VWF: variants seen among roughly 807,000 people sequenced by gnomAD.
VWF encodes the protein Factor VIII related antigen.
VWF carries 176 observed loss-of-function variants against 308.6 expected under a neutral mutation model. That is an observed-to-expected ratio of 0.57 (90% CI 0.50 to 0.65). The LOEUF (loss-of-function observed/expected upper bound fraction) is 0.65. Ranked by LOEUF, VWF falls within the 30% of genes least tolerant of loss-of-function variation. VWF has a pLI of 0.00. For synonymous variants in VWF, 1,385 were observed against 1,443.4 expected, an observed-to-expected ratio of 0.96 and a Z score of 0.92; for missense variants, 3,146 against 3,648.2, an observed-to-expected ratio of 0.86 and a Z score of 3.55.
Position 6,075,656 on chromosome 12 carries a change from C to T in VWF, c.658-105G>A. On this transcript the variant is annotated intron_variant, in intron 6 of 51. Coordinates refer to ENST00000261405, the MANE Select transcript of VWF (RefSeq NM_000552.5). The surrounding 1 kb of genome is among the most constrained non-coding windows in gnomAD (Gnocchi z 4.7). ...GGAAACCAAGGCAGCTCCCTCAGCA[C>T]CTGGGACAGGCTGGCACCAAGCACA... 2 of 1,269,858 alleles carry T rather than the reference C, an allele frequency of 1.6e-6. No homozygotes were observed. Among genetic ancestry groups the T allele is most frequent in the East Asian group, 5.1e-5 (2 of 39,570 alleles). The allele number at this position is 1,269,858 out of a possible 1,614,324, so 78.7% of individuals were successfully genotyped here. A position where few individuals can be genotyped will look rare whatever the true frequency, so the allele number is the denominator to read the frequency against.
intron 15 of VWF, among the ~76,000 whole-genome samples, chr12:6,055,066 C>A (rs981689082): frequency 6.6e-6 from 1 of 152,178 alleles, no homozygotes; most frequent in Non-Finnish European, 1.5e-5. Context: ...ACCCTTTCTA[C>A]CCTATCGTAA....
intron 42 of VWF, among the ~76,000 whole-genome samples, chr12:5,977,235 T>C (rs543730476): frequency 5.4e-4 from 82 of 152,300 alleles, no homozygotes; most frequent in African/African-American, 1.9e-3. Context: ...TCCAGGAATC[T>C]ATCCCAAAGA....
At chr12:6,008,617 A>G (rs216813) in intron 34 of VWF, among the ~76,000 whole-genome samples, 85,361 of 151,994 alleles carry the variant, frequency 0.56, 24,311 homozygotes, top group East Asian at 0.73. Context: ...AAGACGGCAA[A>G]GATGCCCACT....
intron 37 of VWF, among the ~76,000 whole-genome samples, chr12:5,992,985 C>A (rs2136384236): frequency 6.6e-6 from 1 of 152,302 alleles, no homozygotes; most frequent in African/African-American, 2.4e-5. Flanking sequence ...TACAGGTTAT[C>A]TAGGCCAACT....
At chr12:6,092,614 T>TGAGTGAGTGAGTGAGAGAGAGAGA (rs71064187) in intron 6 of VWF, among the ~76,000 whole-genome samples, 13 of 86,084 alleles carry the variant, frequency 1.5e-4, no homozygotes, top group African/African-American at 6.4e-4. Flanking sequence ...AGTGAGTGAG[T>TGAGTGAGTGAGTGAGAGAGAGAGA]GAGAGTGTGT....
At chr12:6,012,620 G>A (rs1349410886) in intron 32 of VWF, among the ~76,000 whole-genome samples, 1 of 151,918 alleles carries the variant, frequency 6.6e-6, no homozygotes, top group East Asian at 1.9e-4. Flanking sequence ...GCTTTATGCA[G>A]GTTTTGACTT....
intron 3 of VWF, 22 bp from the exon 4 acceptor site, chr12:6,110,990 A>G: frequency 6.3e-7 from 1 of 1,585,460 alleles, no homozygotes; most frequent in Non-Finnish European, 8.7e-7. Flanking sequence ...AAAAGTCAAT[A>G]GTAGTGATTA....
intron 23 of VWF, 76 bp downstream of exon 23, chr12:6,025,830 C>A (rs770855910): frequency 1.2e-6 from 2 of 1,611,094 alleles, no homozygotes; most frequent in Non-Finnish European, 1.7e-6. Flanking sequence ...CCTTCCAGCC[C>A]CCATGACAAT....
At chr12:5,985,320 TA>T (rs1193657022) in intron 39 of VWF, among the ~76,000 whole-genome samples, 3 of 152,172 alleles carry the variant, frequency 2.0e-5, no homozygotes, top group Non-Finnish European at 4.4e-5. Context: ...AGGGGACTCT[TA>T]AGTCTGACCG....
intron 38 of VWF, among the ~76,000 whole-genome samples, chr12:5,991,203 A>G (rs1172611734): frequency 7.6e-6 from 1 of 132,114 alleles, no homozygotes; most frequent in Non-Finnish European, 1.7e-5. Context: ...ACACACACAC[A>G]CACGCATGCA....
At chr12:5,971,501 A>G in intron 44 of VWF, 98 bp downstream of exon 44, 1 of 992,106 alleles carries the variant, frequency 1.0e-6, no homozygotes, top group East Asian at 2.4e-5. Flanking sequence ...CCCAGTGGGG[A>G]AAGCAAAGGG....
intron 44 of VWF, among the ~76,000 whole-genome samples, chr12:5,970,108 C>T (rs935499346): frequency 6.6e-5 from 10 of 152,128 alleles, no homozygotes; most frequent in African/African-American, 1.7e-4. Context: ...CAAACACTTG[C>T]AGCCATTCTC....
At chr12:6,077,339 C>A (rs1362966360) in intron 6 of VWF, among the ~76,000 whole-genome samples, 1 of 152,076 alleles carries the variant, frequency 6.6e-6, no homozygotes, top group East Asian at 1.9e-4. Flanking sequence ...GTTCTCTCTG[C>A]ACCTTAGGAA....
Position 6,016,516 on chromosome 12 carries a change from C to T in VWF, c.5311G>A (p.Gly1771Arg), listed in dbSNP as rs370016586. 1.3e-5 allele frequency: 21 copies of T among 1,613,682 alleles called. No individual in the cohort carries two copies. The highest frequency in any genetic ancestry group is 6.7e-5 in the African/African-American group (5 of 74,898). ...ATCCAGCCTGTGGCACCAACGTTAC[C>T]GATTTGGCTGGGGCCTCCCTCCCGC... ...MQREGGPSQI[G>R]DALGFAVRYL... is the part of the protein sequence containing the mutation. Residue 1771 changes from glycine (G) to arginine (R), a missense_variant and splice_region_variant, in exon 30 of 52, where the codon GGG (glycine) becomes AGG (arginine). Around this residue, in one of 3 missense-constraint regions of VWF, gnomAD observed 853 missense variants for 1,177.8 expected, o/e 0.72. Transcript: ENST00000261405.
At chr12:5,969,709 G>A (rs1943448252) in intron 44 of VWF, among the ~76,000 whole-genome samples, 1 of 152,224 alleles carries the variant, frequency 6.6e-6, no homozygotes, top group Non-Finnish European at 1.5e-5. Flanking sequence ...CAGCACTGTG[G>A]GCCATCAGTG....
At chr12:5,949,756 A>G in intron 51 of VWF, 30 bp downstream of exon 51, 1 of 1,608,554 alleles carries the variant, frequency 6.2e-7, no homozygotes, top group South Asian at 1.1e-5. Flanking sequence ...AGCCCTCCAC[A>G]CCCAGCCCTT....
In VWF at chr12:6,025,037, A is replaced by AGAG. The variant is rs34253435; in HGVS notation, c.3222+542_3222+543insCTC. Among the ~76,000 whole-genome samples the AGAG allele has an allele frequency of 5.3e-3, 787 of 149,330 alleles. 12 individuals carry two copies. Among genetic ancestry groups the AGAG allele is most frequent in the African/African-American group, 0.018 (737 of 40,244 alleles). On this transcript the variant is annotated intron_variant, in intron 24 of 51. Transcript: ENST00000261405. ...GACTCTGTCTCAAAAAAAAAAAAAAAAGAGAGAGACAACTGCACTTAACCT... is the reference window on the plus strand; with the variant it reads ...GACTCTGTCTCAAAAAAAAAAAAAAAGAGAGAGAGAGACAACTGCACTTAACCT...
chr12:6,041,981 C>T (rs1465617158), intron 18 of VWF, among the ~76,000 whole-genome samples: 4 of 152,196 alleles, frequency 2.6e-5, no homozygotes, highest in Non-Finnish European at 5.9e-5. Context: ...TATTCCTACA[C>T]TTCTGTAGAA....
At chr12:6,111,598 C>T (rs745982758) in intron 3 of VWF, among the ~76,000 whole-genome samples, 2 of 152,118 alleles carry the variant, frequency 1.3e-5, no homozygotes, top group Admixed American at 1.3e-4. Context: ...TGGTCTTGAG[C>T]TCCTTGGTGC....
Sources: allele counts gnomAD v4.1 joint callset (sites outside exome capture counted in the v4.1 genomes callset), GRCh38; gene constraint gnomAD v4.1.1; regional missense constraint gnomAD v4.1.1; non-coding constraint Gnocchi (gnomAD v3.1); transcripts MANE v1.5; gene names NCBI Gene and HGNC (gene_info 2026-07-23, HGNC 2026-07-21).